Variants in ADAM10 observed in about 807,000 individuals in gnomAD.
The protein encoded by ADAM10 is ADAM metallopeptidase domain 10.
Under a neutral mutation model 90.1 loss-of-function variants are expected in ADAM10, and 17 were observed. The ratio of observed to expected loss-of-function variants is 0.19; its 90% CI spans 0.13 to 0.28. The LOEUF (loss-of-function observed/expected upper bound fraction) is 0.28. ADAM10 is among the 10% of genes least tolerant of loss of function. The probability of loss-of-function intolerance (pLI) is 1.00; values close to 1 mark genes in which losing one functional copy is unlikely to be tolerated. For synonymous variants in ADAM10, 310 were observed against 298.6 expected (o/e 1.04, Z -0.40); for missense variants, 610 against 914.3 (o/e 0.67, Z 4.29).
chr15:58,692,636 G>T, intron 2 of ADAM10: 1 of 559,704 alleles, frequency 1.8e-6, no homozygotes, highest in South Asian at 1.4e-5. Flanking sequence ...TACTCTGTCT[G>T]ATCTTCTTTA....
intron 1 of ADAM10, among the ~76,000 whole-genome samples, chr15:58,738,738 A>G (rs1899509117): frequency 6.6e-6 from 1 of 152,248 alleles, no homozygotes; most frequent in African/African-American, 2.4e-5. Context: ...ATGAAATACA[A>G]TTTAAAAATC....
chr15:58,621,382 T>G, intron 11 of ADAM10, 89 bp downstream of exon 11: 1 of 1,505,038 alleles, frequency 6.6e-7, no homozygotes, highest in Non-Finnish European at 9.2e-7. Flanking sequence ...CAAAACCATA[T>G]GCATCTCTTA....
chr15:58,655,721 A>ATATATATATATATG (rs1896806754), intron 5 of ADAM10, among the ~76,000 whole-genome samples: 2 of 80,536 alleles, frequency 2.5e-5, no homozygotes, highest in Admixed American at 1.3e-4. Flanking sequence ...GTATATATAT[A>ATATATATATATATG]TATATATATA....
At chr15:58,698,411 A>AC (rs1898037591) in intron 2 of ADAM10, 1 of 330,988 alleles carries the variant, frequency 3.0e-6, no homozygotes, top group Non-Finnish European at 5.8e-6. Context: ...ATCTCTAAAA[A>AC]AAAAAAAAAA....
intron 2 of ADAM10, among the ~76,000 whole-genome samples, chr15:58,703,322 T>C (rs1295769994): frequency 1.8e-5 from 2 of 110,994 alleles, no homozygotes; most frequent in Non-Finnish European, 3.7e-5. Context: ...CACACAGAAA[T>C]ACCATATGAT....
At position 58,665,172 on chromosome 15, in the gene ADAM10, C is replaced by T; in HGVS notation, c.510G>A (p.Gln170=). ...ATACTGAATGATCTGCACAGCCCCC[C>T]TGAGGACCGTATTTATGGGGATAGT... ...DINYPHKYGP[Q]GGCADHSVFE... Residue 170 remains glutamine (Q), a synonymous_variant, in exon 5 of 16, where the codon CAG becomes CAA. Transcript: ENST00000260408. 6.2e-7 allele frequency: 1 copy of T among 1,612,998 alleles called. No homozygotes were observed. The highest frequency in any genetic ancestry group is 8.5e-7 in the Non-Finnish European group (1 of 1,179,088).
At chr15:58,708,541 T>C (rs1487036688) in intron 2 of ADAM10, among the ~76,000 whole-genome samples, 3 of 152,144 alleles carry the variant, frequency 2.0e-5, no homozygotes, top group Non-Finnish European at 4.4e-5. Context: ...CACACATCTA[T>C]GGTCCCAGCT....
At chr15:58,719,807 A>C (rs1251987629) in intron 1 of ADAM10, among the ~76,000 whole-genome samples, 1 of 152,212 alleles carries the variant, frequency 6.6e-6, no homozygotes, top group African/African-American at 2.4e-5. Context: ...ACTCAGGTTC[A>C]GTCTCCTGTC....
At chr15:58,644,492 G>C (rs762544947) in intron 6 of ADAM10, among the ~76,000 whole-genome samples, 2 of 152,130 alleles carry the variant, frequency 1.3e-5, no homozygotes, top group African/African-American at 2.4e-5. Context: ...GCCTCCCAAA[G>C]TGCTGGCATT....
chr15:58,611,071 C>G lies in ADAM10; in HGVS notation c.1732G>C (p.Glu578Gln). 6.2e-7 allele frequency: 1 copy of G among 1,613,952 alleles called. No homozygotes were observed. The highest frequency in any genetic ancestry group is 8.5e-7 in the Non-Finnish European group (1 of 1,179,898). ...TCAGAACTGGCACACGTACACTCCT[C>G]TAAGCCATATTTCTCACAGATAGAA... Reference protein sequence around the residue: ...AGSICEKYGLEECTCASSDGK... With the variant: ...AGSICEKYGLQECTCASSDGK... The change falls in exon 13 of 16, where the codon GAG (glutamate) becomes CAG (glutamine). Residue 578 changes from glutamate to glutamine, a missense_variant. Transcript: ENST00000260408.
chr15:58,595,771 G>A lies in ADAM10; in HGVS notation c.*1776C>T, dbSNP rs1337509206. The A allele has an allele frequency of 2.0e-5, 3 of 152,054 alleles. No individual in the cohort carries two copies. The highest frequency in any genetic ancestry group is 7.2e-5 in the African/African-American group (3 of 41,424). 9.4% of individuals were successfully genotyped at this position (152,054 alleles called of 1,614,324 possible). ...ACTCAAGAAGTTACTAAGAACTCTT[G>A]CAGAATAAAAGTCACCATTTTAGAA... On this transcript the variant is annotated 3_prime_UTR_variant, in exon 16 of 16. Coordinates refer to ENST00000260408, the MANE Select transcript of ADAM10 (RefSeq NM_001110.4).
intron 2 of ADAM10, among the ~76,000 whole-genome samples, chr15:58,698,697 C>G (rs1898049212): frequency 6.6e-6 from 1 of 151,438 alleles, no homozygotes; most frequent in Non-Finnish European, 1.5e-5. Flanking sequence ...TACACTAGAT[C>G]AAGCAAAAGA....
At chr15:58,661,649 C>A (rs191788213) in intron 5 of ADAM10, among the ~76,000 whole-genome samples, 76 of 152,042 alleles carry the variant, frequency 5.0e-4, no homozygotes, top group Non-Finnish European at 9.9e-4. Flanking sequence ...GTTTATCCTG[C>A]ACGTGTTTCA....
At chr15:58,724,042 C>A (rs1298040160) in intron 1 of ADAM10, among the ~76,000 whole-genome samples, 3 of 151,962 alleles carry the variant, frequency 2.0e-5, no homozygotes, top group Middle Eastern at 3.4e-3. Context: ...ACCAGCCTGG[C>A]CAACATGGTG....
rs930339729 is a variant in ADAM10, at chr15:58,634,207, C to T, written c.1013-848G>A. Among the ~76,000 whole-genome samples, 5 of 151,206 alleles carry T rather than the reference C, an allele frequency of 3.3e-5. No homozygotes were observed. The East Asian group carries it at 9.7e-4, about 29-fold the overall frequency. On this transcript the variant is annotated intron_variant, in intron 8 of 15. Coordinates refer to ENST00000260408, the MANE Select transcript of ADAM10 (RefSeq NM_001110.4). ...ACACCTGTAATCCCAGCTACTCGGGCAGGAGAATTGCCTGAACCCAGGAGG... is the reference window on the plus strand; with the variant it reads ...ACACCTGTAATCCCAGCTACTCGGGTAGGAGAATTGCCTGAACCCAGGAGG...
At chr15:58,654,656 G>A (rs1896766621) in intron 5 of ADAM10, among the ~76,000 whole-genome samples, 1 of 152,152 alleles carries the variant, frequency 6.6e-6, no homozygotes, top group Non-Finnish European at 1.5e-5. Flanking sequence ...TGGAATTACA[G>A]ACATGAGCCA....
chr15:58,611,832 C>T lies in ADAM10; in HGVS notation c.1671G>A (p.Arg557=), dbSNP rs1254607434. The T allele has an allele frequency of 3.1e-6, 5 of 1,614,080 alleles. No homozygotes were observed. In the South Asian group the frequency reaches 5.5e-5, roughly 18 times the overall value. Residue 557 remains arginine, a synonymous_variant, in exon 12 of 16, where the codon AGG becomes AGA. Transcript: ENST00000260408. ...DPKPNFTDCN[R]HTQVCINGQC... is the part of the protein sequence containing the mutation. ...CCCCATTAATGCACACTTGTGTATGCCTATTACAGTCTGTGAAGTTTGGTT... is the reference window on the plus strand; with the variant it reads ...CCCCATTAATGCACACTTGTGTATGTCTATTACAGTCTGTGAAGTTTGGTT...
chr15:58,681,141 C>A (rs1897429939), intron 3 of ADAM10, among the ~76,000 whole-genome samples: 1 of 152,138 alleles, frequency 6.6e-6, no homozygotes, highest in African/African-American at 2.4e-5. Flanking sequence ...TCTGCAATCT[C>A]ATTTACGGCC....
chr15:58,749,680 C>G lies in ADAM10; in HGVS notation c.-146G>C. The stretch of plus-strand genomic sequence containing the variant: ...GCAGGAGAAACGGCGAAGCACCTCC[C>G]TCTCGCTCCACTTCAGGGGCCGGCA... On this transcript the variant is annotated 5_prime_UTR_variant, in exon 1 of 16. Transcript: ENST00000260408. The G allele has an allele frequency of 6.9e-7, 1 of 1,454,088 alleles. No individual in the cohort carries two copies. The highest frequency in any genetic ancestry group is 9.2e-7 in the Non-Finnish European group (1 of 1,090,954). The allele number at this position is 1,454,088 out of a possible 1,614,324, so 90.1% of individuals were successfully genotyped here. A position where few individuals can be genotyped will look rare whatever the true frequency, so the allele number is the denominator to read the frequency against.
Sources: allele counts gnomAD v4.1 joint callset (sites outside exome capture counted in the v4.1 genomes callset), GRCh38; gene constraint gnomAD v4.1.1; transcripts MANE v1.5; gene names NCBI Gene and HGNC (gene_info 2026-07-23, HGNC 2026-07-21).